The following AUTS2 variants were observed in gnomAD, a reference collection of about 807,000 sequenced individuals.
AUTS2 encodes the protein activator of transcription and developmental regulator AUTS2.
A neutral mutation model predicts 112.4 loss-of-function variants in AUTS2; 17 were observed. The ratio of observed to expected loss-of-function variants is 0.15; its 90% confidence interval spans 0.10 to 0.23. The LOEUF (loss-of-function observed/expected upper bound fraction) is 0.23, where lower values mean the gene tolerates loss of function less well. Ranked by LOEUF, AUTS2 falls within the 10% of genes least tolerant of loss-of-function variation. AUTS2 has a pLI of 1.00. For missense variants in AUTS2, 1,510 were observed against 1,701.6 expected, an observed-to-expected ratio of 0.89 and a Z score of 1.98; for synonymous variants, 751 against 702.7, an observed-to-expected ratio of 1.07 and a Z score of -1.09.
intron 4 of AUTS2, among the ~76,000 whole-genome samples, chr7:70,346,518 C>T (rs1035559249): frequency 3.9e-5 from 6 of 152,128 alleles, no homozygotes; most frequent in East Asian, 1.9e-4. Flanking sequence ...ATGTTACTCT[C>T]TTCCCCTCCA....
intron 1 of AUTS2, among the ~76,000 whole-genome samples, chr7:69,850,394 G>A: frequency 1.6e-5 from 1 of 60,746 alleles, no homozygotes; most frequent in Admixed American, 2.9e-4. Context: ...GCGAAACTCT[G>A]TCTCAAAAAA....
intron 1 of AUTS2, among the ~76,000 whole-genome samples, chr7:69,765,954 G>C (rs1310723073): frequency 1.3e-5 from 2 of 151,904 alleles, no homozygotes; most frequent in African/African-American, 4.8e-5. Flanking sequence ...CTCAAAAAAA[G>C]AATTAAAATT....
chr7:70,472,699 C>A (rs999509327), intron 5 of AUTS2, among the ~76,000 whole-genome samples: 3 of 152,116 alleles, frequency 2.0e-5, no homozygotes, highest in African/African-American at 7.2e-5. Flanking sequence ...ATTTTTAGGG[C>A]AATAGATCTG....
At chr7:70,432,478 A>G (rs1157567827) in intron 4 of AUTS2, among the ~76,000 whole-genome samples, 1 of 152,198 alleles carries the variant, frequency 6.6e-6, no homozygotes, top group Non-Finnish European at 1.5e-5. Context: ...TTCTACCCAC[A>G]CTGACTCTAT....
chr7:69,916,665 T>C (rs1186006002), intron 2 of AUTS2, among the ~76,000 whole-genome samples: 1 of 152,196 alleles, frequency 6.6e-6, no homozygotes, highest in Non-Finnish European at 1.5e-5. Flanking sequence ...CTGTTCATAC[T>C]AGAAACCTGC....
chr7:70,671,887 C>G (rs1807664532), intron 5 of AUTS2, among the ~76,000 whole-genome samples: 1 of 152,076 alleles, frequency 6.6e-6, no homozygotes, highest in South Asian at 2.1e-4. Flanking sequence ...GTGGAAGACA[C>G]TAGATTGGAA....
chr7:70,034,269 C>A lies in AUTS2; in HGVS notation c.523-83863C>A, dbSNP rs577079417. Among the ~76,000 whole-genome samples the A allele has an allele frequency of 1.4e-4, 21 of 152,246 alleles. No individual in the cohort carries two copies. In the South Asian group the frequency reaches 4.1e-3, roughly 30 times the overall value. On this transcript the variant is annotated intron_variant, in intron 2 of 18. Transcript: ENST00000342771. ...AGTTAGAAAAGCTGGTTTATCATTC[C>A]TACTCTGTCTCTTCCCATGTTACAT...
At chr7:70,246,995 A>G (rs1467670499) in intron 4 of AUTS2, among the ~76,000 whole-genome samples, 1 of 152,016 alleles carries the variant, frequency 6.6e-6, no homozygotes, top group African/African-American at 2.4e-5. Flanking sequence ...AAACCATGTT[A>G]GCAGCAGTTC....
intron 1 of AUTS2, among the ~76,000 whole-genome samples, chr7:69,671,639 G>T (rs1796335602): frequency 6.6e-6 from 1 of 151,734 alleles, no homozygotes; most frequent in South Asian, 2.1e-4. Context: ...GGGTTTTTTT[G>T]GTAATGATGA....
intron 1 of AUTS2, among the ~76,000 whole-genome samples, chr7:69,612,901 C>T (rs1793122770): frequency 6.6e-6 from 1 of 152,072 alleles, no homozygotes; most frequent in South Asian, 2.1e-4. Context: ...AGTAGGTACT[C>T]AGTCATTGCT....
At chr7:69,992,370 G>A (rs566141293) in intron 2 of AUTS2, among the ~76,000 whole-genome samples, 184 of 152,220 alleles carry the variant, frequency 1.2e-3, no homozygotes, top group African/African-American at 4.2e-3. Context: ...TTACAGACTG[G>A]CAAGAGTAAG....
chr7:70,379,008 C>A (rs1585078090), intron 4 of AUTS2, among the ~76,000 whole-genome samples: 2 of 152,128 alleles, frequency 1.3e-5, no homozygotes, highest in South Asian at 2.1e-4. Context: ...TCTTCCAATT[C>A]TTATTAAGAC....
chr7:70,163,527 T>C (rs142785386), intron 4 of AUTS2, among the ~76,000 whole-genome samples: 32 of 152,282 alleles, frequency 2.1e-4, no homozygotes, highest in African/African-American at 7.0e-4. Flanking sequence ...GAAACCTGTT[T>C]GCCATTCTAG....
chr7:70,467,144 G>A (rs889471631), intron 5 of AUTS2, among the ~76,000 whole-genome samples: 2 of 152,172 alleles, frequency 1.3e-5, no homozygotes, highest in Non-Finnish European at 2.9e-5. Flanking sequence ...TGAGATAAAC[G>A]TCTGACTTCC....
intron 5 of AUTS2, among the ~76,000 whole-genome samples, chr7:70,487,617 T>C (rs1798063538): frequency 6.6e-6 from 1 of 152,066 alleles, no homozygotes; most frequent in Non-Finnish European, 1.5e-5. Flanking sequence ...TGGGGCCGGT[T>C]TTGATGAGAG....
At chr7:70,647,036 A>C (rs1490061204) in intron 5 of AUTS2, among the ~76,000 whole-genome samples, 1 of 152,208 alleles carries the variant, frequency 6.6e-6, no homozygotes. Flanking sequence ...AGCATTGCTC[A>C]GTCTTGGACA....
chr7:70,330,001 A>G (rs1336341204), intron 4 of AUTS2, among the ~76,000 whole-genome samples: 1 of 152,158 alleles, frequency 6.6e-6, no homozygotes, highest in Admixed American at 6.6e-5. Flanking sequence ...TCTTGTATAA[A>G]GGCCTTAGTC....
intron 1 of AUTS2, among the ~76,000 whole-genome samples, chr7:69,771,700 TGGGG>T (rs1388082984): frequency 1.4e-4 from 22 of 151,892 alleles, no homozygotes; most frequent in Non-Finnish European, 1.5e-5. Flanking sequence ...AGTGGTCTCT[TGGGG>T]AGATTAGGAG....
At chr7:69,931,959 C>T (rs1796243692) in intron 2 of AUTS2, among the ~76,000 whole-genome samples, 1 of 152,034 alleles carries the variant, frequency 6.6e-6, no homozygotes, top group African/African-American at 2.4e-5. Flanking sequence ...CTTTGTTTTC[C>T]TTTTACTGCC....
Sources: gnomAD v4.1 joint callset for allele counts (sites outside exome capture counted in the v4.1 genomes callset) on GRCh38, gnomAD v4.1.1 for gene constraint, MANE v1.5 for transcripts, NCBI Gene and HGNC (gene_info 2026-07-23, HGNC 2026-07-21) for gene names.